Variants in ERCC8 observed in about 807,000 individuals in gnomAD.
ERCC8 encodes the protein ERCC excision repair 8, CSA ubiquitin ligase complex subunit, also known as DNA excision repair protein ERCC-8.
In ERCC8, 52 loss-of-function variants were observed where a neutral mutation model predicts 54.9. The observed-to-expected ratio is 0.95, with a 90% CI of 0.76 to 1.19. ERCC8 has a LOEUF of 1.19. Ranked by LOEUF, ERCC8 falls within the 50% of genes most tolerant of loss-of-function variation. ERCC8 has a pLI of 0.00. For synonymous variants in ERCC8, 146 were observed against 157.2 expected, an observed-to-expected ratio of 0.93 and a Z score of 0.53; for missense variants, 514 against 466.1, an observed-to-expected ratio of 1.10 and a Z score of -0.95.
At chr5:60,901,149 T>C (rs1308791418) in intron 7 of ERCC8, among the ~76,000 whole-genome samples, 1 of 152,038 alleles carries the variant, frequency 6.6e-6, no homozygotes, top group Non-Finnish European at 1.5e-5. Flanking sequence ...TATGAAAATA[T>C]ATAAAAATAT....
chr5:60,928,458 A>T (rs1749815186), intron 2 of ERCC8, among the ~76,000 whole-genome samples: 1 of 152,196 alleles, frequency 6.6e-6, no homozygotes, highest in African/African-American at 2.4e-5. Context: ...AAGAACTCAA[A>T]TATAATTCTT....
chr5:60,904,278 A>G (rs1748988908), intron 5 of ERCC8, among the ~76,000 whole-genome samples: 1 of 152,108 alleles, frequency 6.6e-6, no homozygotes, highest in Non-Finnish European at 1.5e-5. Context: ...AGAGACTCAC[A>G]TGGTGCCAAA....
Position 60,874,697 on chromosome 5 carries a change from AG to A in ERCC8, c.1123-15del, listed in dbSNP as rs1489292602. On this transcript the variant is annotated splice_polypyrimidine_tract_variant and intron_variant, in intron 11 of 11. Coordinates refer to ENST00000676185, the MANE Select transcript of ERCC8 (RefSeq NM_000082.4). ...TTTTGTTGTAGTCTAAAAAAAAAAA[AG>A]ATAAAGAAAAAGGAAGATTCTGTTT... 3.2e-6 allele frequency: 5 copies of A among 1,577,330 alleles called. No individual in the cohort carries two copies. The African/African-American group carries it at 6.8e-5, about 21-fold the overall frequency.
At chr5:60,914,545 C>T (rs1038932626) in intron 4 of ERCC8, among the ~76,000 whole-genome samples, 1 of 151,768 alleles carries the variant, frequency 6.6e-6, no homozygotes, top group African/African-American at 2.4e-5. Flanking sequence ...AATCCCAACA[C>T]TTTCAGAGGC....
At chr5:60,887,150 A>T (rs776544820) in intron 11 of ERCC8, among the ~76,000 whole-genome samples, 4 of 152,114 alleles carry the variant, frequency 2.6e-5, no homozygotes, top group African/African-American at 7.2e-5. Context: ...TTCTTTTGAT[A>T]TTTTTCTGAA....
rs762206204 is a variant in ERCC8 at position 60,902,494 on chromosome 5, T to A, written c.565A>T (p.Ile189Leu). The change falls in exon 7 of 12, where the codon ATA (isoleucine) becomes TTA (leucine). Residue 189 changes from isoleucine to leucine, a missense_variant. Physicochemically the swap from Ile to Leu is conservative, Grantham distance 5. Transcript: ENST00000676185. ...SHILQGHRQE[I>L]LAVSWSPRYD... ...CGTGGAGACCAGGAAACTGCTAATATTTCTTGTCTGTGACCTGCAAATACA... is the reference window on the plus strand; with the variant it reads ...CGTGGAGACCAGGAAACTGCTAATAATTCTTGTCTGTGACCTGCAAATACA... 4.3e-6 allele frequency: 7 copies of A among 1,612,204 alleles called. No homozygotes were observed. The South Asian group carries it at 4.4e-5, about 10-fold the overall frequency.
intron 3 of ERCC8, 75 bp from the exon 4 acceptor site, chr5:60,918,463 T>A: frequency 7.5e-7 from 1 of 1,324,912 alleles, no homozygotes; most frequent in Non-Finnish European, 1.1e-6. Context: ...TAAGAACAAG[T>A]AGTAGTCTCA....
intron 11 of ERCC8, among the ~76,000 whole-genome samples, chr5:60,877,603 T>C (rs1354255453): frequency 1.3e-5 from 2 of 152,328 alleles, no homozygotes; most frequent in Middle Eastern, 3.4e-3. Flanking sequence ...CCCTTGTAAG[T>C]TGGATTCCTA....
Position 60,922,237 on chromosome 5 carries a change from C to T in ERCC8, c.174-82G>A, listed in dbSNP as rs187560776. The T allele has an allele frequency of 3.4e-6, 3 of 895,166 alleles. No individual in the cohort carries two copies. The East Asian group carries it at 8.0e-5, about 24-fold the overall frequency. 55.5% of individuals were successfully genotyped at this position (895,166 alleles called of 1,614,324 possible). Reference sequence around the variant, plus strand: ...ATTTATGATTGCAAATTTCTAAAAACTGATTTGCAAACACTCAAATGTATT... The same window carrying T: ...ATTTATGATTGCAAATTTCTAAAAATTGATTTGCAAACACTCAAATGTATT... On this transcript the variant is annotated intron_variant, in intron 2 of 11. Coordinates refer to ENST00000676185, the MANE Select transcript of ERCC8 (RefSeq NM_000082.4).
At chr5:60,930,968 G>T (rs187122114) in intron 1 of ERCC8, among the ~76,000 whole-genome samples, 1 of 152,082 alleles carries the variant, frequency 6.6e-6, no homozygotes, top group Admixed American at 6.5e-5. Flanking sequence ...AATTAGCCAG[G>T]TGTGGTGGGG....
intron 1 of ERCC8, among the ~76,000 whole-genome samples, chr5:60,936,448 T>C (rs1330596987): frequency 6.6e-6 from 1 of 152,180 alleles, no homozygotes; most frequent in Non-Finnish European, 1.5e-5. Flanking sequence ...TCAATTTTAT[T>C]TATCTTTTGA....
At chr5:60,937,951 G>A (rs1750116437) in intron 1 of ERCC8, among the ~76,000 whole-genome samples, 2 of 149,790 alleles carry the variant, frequency 1.3e-5, no homozygotes, top group South Asian at 4.2e-4. Context: ...ATTCTCCTCT[G>A]TTTTAGTGTC....
intron 11 of ERCC8, among the ~76,000 whole-genome samples, chr5:60,885,494 G>C (rs1312277556): frequency 6.6e-6 from 1 of 152,084 alleles, no homozygotes; most frequent in Non-Finnish European, 1.5e-5. Flanking sequence ...AATTCCCAAA[G>C]AGCAGGACAC....
intron 4 of ERCC8, among the ~76,000 whole-genome samples, chr5:60,912,576 C>T (rs751974161): frequency 3.0e-4 from 45 of 152,126 alleles, no homozygotes; most frequent in Non-Finnish European, 2.9e-5. Flanking sequence ...AATTGAATAC[C>T]CTTTATCTCT....
intron 1 of ERCC8, among the ~76,000 whole-genome samples, chr5:60,940,306 G>A (rs1397804614): frequency 6.6e-6 from 1 of 152,198 alleles, no homozygotes; most frequent in Non-Finnish European, 1.5e-5. Context: ...ATAGTGGCCT[G>A]CAGAAGCCAG....
At chr5:60,888,949 T>A (rs1308049804) in intron 10 of ERCC8, among the ~76,000 whole-genome samples, 2 of 152,360 alleles carry the variant, frequency 1.3e-5, no homozygotes, top group South Asian at 4.1e-4. Context: ...AAAAATCACA[T>A]GCTGCACTTA....
intron 4 of ERCC8, 117 bp from the exon 5 acceptor site, chr5:60,904,990 CA>C (rs1749029308): frequency 1.9e-6 from 1 of 528,452 alleles, no homozygotes; most frequent in African/African-American, 1.9e-5. Context: ...GTTAGCAATT[CA>C]ACTTAAACAT....
intron 5 of ERCC8, among the ~76,000 whole-genome samples, chr5:60,904,495 G>A (rs1178349518): frequency 6.6e-6 from 1 of 151,226 alleles, no homozygotes; most frequent in Admixed American, 6.6e-5. Flanking sequence ...CTGAAACTTT[G>A]GTGGTTTAAA....
At chr5:60,879,354 G>A (rs1363132657) in intron 11 of ERCC8, among the ~76,000 whole-genome samples, 2 of 152,152 alleles carry the variant, frequency 1.3e-5, no homozygotes, top group African/African-American at 4.8e-5. Flanking sequence ...TGTTGATTTG[G>A]GGTGGAGAGT....
Sources: allele counts gnomAD v4.1 joint callset (sites outside exome capture counted in the v4.1 genomes callset), GRCh38; gene constraint gnomAD v4.1.1; transcripts MANE v1.5; gene names NCBI Gene and HGNC (gene_info 2026-07-23, HGNC 2026-07-21).